The following CTNNA3 variants were observed in gnomAD, a reference collection of about 807,000 sequenced individuals.
The protein encoded by CTNNA3 is catenin alpha 3.
In CTNNA3, 76 loss-of-function variants were observed where a neutral mutation model predicts 95.7. The ratio of observed to expected loss-of-function variants is 0.79; its 90% CI spans 0.66 to 0.96. The LOEUF (loss-of-function observed/expected upper bound fraction) is 0.96, where lower values mean the gene tolerates loss of function less well. CTNNA3 is among the 40% of genes least tolerant of loss of function. The pLI is 0.00. For synonymous variants in CTNNA3, 431 were observed against 374.4 expected (o/e 1.15, Z -1.74); for missense variants, 1,191 against 1,089.8 (o/e 1.09, Z -1.31).
chr10:66,303,025 T>C (rs1287653781), intron 12 of CTNNA3, among the ~76,000 whole-genome samples: 1 of 152,166 alleles, frequency 6.6e-6, no homozygotes, highest in Non-Finnish European at 1.5e-5. Flanking sequence ...CATAATTTCT[T>C]ACTCAAACTA....
At chr10:65,991,012 A>C (rs2078534374) in intron 15 of CTNNA3, among the ~76,000 whole-genome samples, 1 of 152,122 alleles carries the variant, frequency 6.6e-6, no homozygotes, top group Admixed American at 6.6e-5. Flanking sequence ...CATTTATTGA[A>C]GAGCCATCCT....
intron 7 of CTNNA3, among the ~76,000 whole-genome samples, chr10:66,944,147 T>C (rs937563276): frequency 1.3e-5 from 2 of 152,228 alleles, no homozygotes; most frequent in African/African-American, 2.4e-5. Context: ...GTAGAACTTC[T>C]TTCAAAATTG....
intron 2 of CTNNA3, among the ~76,000 whole-genome samples, chr10:67,620,841 C>T (rs1271800011): frequency 2.0e-5 from 3 of 149,324 alleles, no homozygotes; most frequent in East Asian, 3.9e-4. Context: ...TTTATTAAGC[C>T]TTAATTTATT....
At chr10:67,715,878 A>T (rs1841139531) in intron 1 of CTNNA3, among the ~76,000 whole-genome samples, 1 of 151,940 alleles carries the variant, frequency 6.6e-6, no homozygotes, top group African/African-American at 2.4e-5. Flanking sequence ...TGGGGCAGGT[A>T]TTTTTTTTAA....
intron 13 of CTNNA3, among the ~76,000 whole-genome samples, chr10:66,259,430 C>A (rs1396070093): frequency 6.6e-6 from 1 of 151,964 alleles, no homozygotes; most frequent in Non-Finnish European, 1.5e-5. Context: ...AAGATTTGAC[C>A]AAGATATTTT....
intron 7 of CTNNA3, among the ~76,000 whole-genome samples, chr10:67,005,680 A>ATATTTTTTTTTTTTTTT (rs1564825972): frequency 3.8e-5 from 1 of 26,372 alleles, no homozygotes; most frequent in Non-Finnish European, 1.1e-4. Context: ...ATTTTACTCC[A>ATATTTTTTTTTTTTTTT]TCTTTTTTTT....
intron 11 of CTNNA3, among the ~76,000 whole-genome samples, chr10:66,443,330 T>C (rs921531525): frequency 3.9e-5 from 6 of 152,172 alleles, no homozygotes; most frequent in African/African-American, 1.4e-4. Flanking sequence ...AGCACGCAGC[T>C]GGAGATCTGA....
chr10:66,078,859 A>T (rs1245082456), intron 14 of CTNNA3: 2 of 151,950 alleles, frequency 1.3e-5, no homozygotes, highest in Non-Finnish European at 2.9e-5. Flanking sequence ...AATGCTCTCT[A>T]AAAGTCTATT....
intron 7 of CTNNA3, among the ~76,000 whole-genome samples, chr10:66,823,965 A>G (rs1842400213): frequency 6.6e-6 from 1 of 152,146 alleles, no homozygotes; most frequent in Non-Finnish European, 1.5e-5. Context: ...TGTAACAGAT[A>G]GAAAGGGAAA....
At chr10:67,061,221 C>G (rs1238866622) in intron 7 of CTNNA3, among the ~76,000 whole-genome samples, 1 of 152,114 alleles carries the variant, frequency 6.6e-6, no homozygotes, top group African/African-American at 2.4e-5. Context: ...CTCAGAGAAG[C>G]TGAACTGAAT....
At chr10:66,402,264 T>C (rs1263672329) in intron 11 of CTNNA3, among the ~76,000 whole-genome samples, 2 of 152,182 alleles carry the variant, frequency 1.3e-5, no homozygotes, top group Non-Finnish European at 2.9e-5. Context: ...ATGAGAACCA[T>C]TGATTAGATG....
intron 12 of CTNNA3, among the ~76,000 whole-genome samples, chr10:66,282,930 T>G (rs1009246020): frequency 3.3e-5 from 5 of 151,774 alleles, no homozygotes; most frequent in Admixed American, 6.6e-5. Flanking sequence ...ATATGTAAAA[T>G]CAAGCAAAGA....
At chr10:67,462,742 A>G (rs991271714) in intron 5 of CTNNA3, among the ~76,000 whole-genome samples, 1 of 152,150 alleles carries the variant, frequency 6.6e-6, no homozygotes, top group Non-Finnish European at 1.5e-5. Context: ...CAGATATTCT[A>G]GTAGATTTTT....
chr10:66,009,251 T>C (rs2078958895), intron 15 of CTNNA3, among the ~76,000 whole-genome samples: 1 of 152,210 alleles, frequency 6.6e-6, no homozygotes, highest in Non-Finnish European at 1.5e-5. Flanking sequence ...GTGCCAATTC[T>C]GACATCTTGT....
At chr10:66,016,391 T>A (rs1274045900) in intron 15 of CTNNA3, among the ~76,000 whole-genome samples, 2 of 152,154 alleles carry the variant, frequency 1.3e-5, no homozygotes, top group East Asian at 3.8e-4. Context: ...AAGACGATTC[T>A]TCCCTGGAAC....
At chr10:66,291,904 C>T (rs1161151452) in intron 12 of CTNNA3, among the ~76,000 whole-genome samples, 1 of 150,522 alleles carries the variant, frequency 6.6e-6, no homozygotes, top group African/African-American at 2.5e-5. Flanking sequence ...GTATACCAAA[C>T]ACTTTTGTGT....
At chr10:67,272,467 C>T (rs941445046) in intron 5 of CTNNA3, among the ~76,000 whole-genome samples, 7 of 152,002 alleles carry the variant, frequency 4.6e-5, no homozygotes, top group African/African-American at 1.2e-4. Context: ...ATGGGAGGAT[C>T]GCTTGAACCC....
intron 16 of CTNNA3, among the ~76,000 whole-genome samples, chr10:65,983,447 G>T (rs2078364409): frequency 6.6e-6 from 1 of 151,340 alleles, no homozygotes; most frequent in Non-Finnish European, 1.5e-5. Flanking sequence ...TAGAATATCT[G>T]CTAATATGAT....
chr10:66,433,902 C>A (rs555342279), intron 11 of CTNNA3, among the ~76,000 whole-genome samples: 46 of 152,302 alleles, frequency 3.0e-4, no homozygotes, highest in African/African-American at 8.9e-4. Flanking sequence ...AATAGGGAAT[C>A]TTTTCCCCAT....
Sources: allele counts gnomAD v4.1 joint callset (sites outside exome capture counted in the v4.1 genomes callset), GRCh38; gene constraint gnomAD v4.1.1; transcripts MANE v1.5; gene names NCBI Gene and HGNC (gene_info 2026-07-23, HGNC 2026-07-21).